PPP2R5E: variants seen among roughly 807,000 people sequenced by gnomAD.
PPP2R5E encodes serine/threonine-protein phosphatase 2A 56 kDa regulatory subunit epsilon isoform.
Under a neutral mutation model 65.3 loss-of-function variants are expected in PPP2R5E, and 4 were observed. The observed-to-expected ratio is 0.06, with a 90% CI of 0.03 to 0.14. PPP2R5E has a LOEUF of 0.14. Ranked by LOEUF, PPP2R5E falls within the 10% of genes least tolerant of loss-of-function variation. The probability of loss-of-function intolerance (pLI) is 1.00; values close to 1 mark genes in which losing one functional copy is unlikely to be tolerated. For missense variants in PPP2R5E, 274 were observed against 556.1 expected (o/e 0.49, Z 5.10); for synonymous variants, 183 against 187.4 (o/e 0.98, Z 0.19).
At chr14:63,442,021 T>C (rs1461548469) in intron 3 of PPP2R5E, among the ~76,000 whole-genome samples, 1 of 152,112 alleles carries the variant, frequency 6.6e-6, no homozygotes, top group Non-Finnish European at 1.5e-5. Flanking sequence ...AAATCAATAC[T>C]GTTAAATGAG....
intron 3 of PPP2R5E, among the ~76,000 whole-genome samples, chr14:63,440,143 G>C (rs1312893892): frequency 6.6e-6 from 1 of 152,196 alleles, no homozygotes; most frequent in Non-Finnish European, 1.5e-5. Context: ...GGCAGAGAGA[G>C]AAGTGGAGTG....
chr14:63,395,726 G>A, intron 6 of PPP2R5E, among the ~76,000 whole-genome samples: 1 of 6,642 alleles, frequency 1.5e-4, no homozygotes, highest in Non-Finnish European at 3.5e-4. Flanking sequence ...AGGGTGGAAG[G>A]GAGGAGGAGC....
At chr14:63,383,380 A>AT (rs1405947285) in intron 12 of PPP2R5E, among the ~76,000 whole-genome samples, 1 of 152,220 alleles carries the variant, frequency 6.6e-6, no homozygotes, top group East Asian at 1.9e-4. Flanking sequence ...GCCTTGTGCC[A>AT]TTAAAAGGAA....
At chr14:63,420,062 T>C (rs1886917847) in intron 4 of PPP2R5E, among the ~76,000 whole-genome samples, 1 of 152,186 alleles carries the variant, frequency 6.6e-6, no homozygotes. Flanking sequence ...TAAAAGTTTA[T>C]TGTACTTTAG....
intron 2 of PPP2R5E, among the ~76,000 whole-genome samples, chr14:63,454,380 G>A (rs1889009998): frequency 1.3e-5 from 2 of 151,694 alleles, no homozygotes; most frequent in South Asian, 4.2e-4. Flanking sequence ...GTTTTGTTTT[G>A]GCTTGATCTG....
chr14:63,466,776 T>C (rs1392413348), intron 2 of PPP2R5E, among the ~76,000 whole-genome samples: 1 of 152,032 alleles, frequency 6.6e-6, no homozygotes, highest in East Asian at 1.9e-4. Flanking sequence ...TGTATACATA[T>C]GTGTATACAT....
At chr14:63,462,560 G>A (rs753214918) in intron 2 of PPP2R5E, among the ~76,000 whole-genome samples, 13 of 151,994 alleles carry the variant, frequency 8.6e-5, no homozygotes, top group Non-Finnish European at 1.8e-4. Context: ...TGCCTTGCAC[G>A]TTTTAATAAA....
At chr14:63,406,031 A>G (rs1341764103) in intron 5 of PPP2R5E, among the ~76,000 whole-genome samples, 1 of 152,236 alleles carries the variant, frequency 6.6e-6, no homozygotes, top group African/African-American at 2.4e-5. Flanking sequence ...AATCACACTG[A>G]AATTCAAGTG....
intron 2 of PPP2R5E, among the ~76,000 whole-genome samples, chr14:63,483,466 T>C (rs1055890495): frequency 1.6e-4 from 24 of 151,832 alleles, no homozygotes; most frequent in African/African-American, 5.8e-4. Flanking sequence ...GAAGAAGGGC[T>C]CTCCCAGCCA....
At chr14:63,379,826 C>CTCT (rs528081976) in intron 13 of PPP2R5E, among the ~76,000 whole-genome samples, 1,633 of 100,430 alleles carry the variant, frequency 0.016, 192 homozygotes, top group African/African-American at 0.066. Context: ...TATTCTCTCT[C>CTCT]TTTTTTTTTT....
At chr14:63,424,665 G>A (rs1887232083) in intron 3 of PPP2R5E, among the ~76,000 whole-genome samples, 1 of 151,632 alleles carries the variant, frequency 6.6e-6, no homozygotes, top group Non-Finnish European at 1.5e-5. Context: ...GCAGGAGAAT[G>A]GCGTGAACCC....
chr14:63,391,669 C>G, intron 10 of PPP2R5E, 148 bp downstream of exon 10: 1 of 757,050 alleles, frequency 1.3e-6, no homozygotes. Context: ...GTGATCTGCC[C>G]GCCTCGGCCT....
At chr14:63,409,042 A>G (rs1453138761) in intron 5 of PPP2R5E, among the ~76,000 whole-genome samples, 2 of 152,070 alleles carry the variant, frequency 1.3e-5, no homozygotes, top group African/African-American at 4.8e-5. Flanking sequence ...GACCAGCCTG[A>G]CCAACATGGA....
intron 2 of PPP2R5E, among the ~76,000 whole-genome samples, chr14:63,535,025 A>G (rs914644640): frequency 6.6e-6 from 1 of 152,238 alleles, no homozygotes; most frequent in African/African-American, 2.4e-5. Context: ...TTCCTAACAC[A>G]CAGATACGGA....
chr14:63,420,966 T>G (rs12880604), intron 4 of PPP2R5E, among the ~76,000 whole-genome samples: 1,722 of 110,784 alleles, frequency 0.016, 157 homozygotes, highest in Non-Finnish European at 0.021. Flanking sequence ...GGCAGGAGAA[T>G]GGCGTGAACC....
At chr14:63,468,190 G>A (rs1256482178) in intron 2 of PPP2R5E, among the ~76,000 whole-genome samples, 2 of 152,168 alleles carry the variant, frequency 1.3e-5, no homozygotes, top group Non-Finnish European at 2.9e-5. Flanking sequence ...TAGCACGAGC[G>A]TTTAAGACAC....
chr14:63,466,637 A>T (rs1226581890), intron 2 of PPP2R5E, among the ~76,000 whole-genome samples: 1 of 152,234 alleles, frequency 6.6e-6, no homozygotes, highest in African/African-American at 2.4e-5. Context: ...TCAAATCTGA[A>T]ATACCATGCC....
chr14:63,377,178 A>T (rs111234724), intron 13 of PPP2R5E, among the ~76,000 whole-genome samples: 102 of 152,070 alleles, frequency 6.7e-4, no homozygotes, highest in Middle Eastern at 3.4e-3. Flanking sequence ...AAAAATGCTG[A>T]TCCAGATTAA....
chr14:63,457,084 A>G (rs1331951865), intron 2 of PPP2R5E, among the ~76,000 whole-genome samples: 2 of 152,194 alleles, frequency 1.3e-5, no homozygotes, highest in Non-Finnish European at 2.9e-5. Flanking sequence ...CAGTCCAAAC[A>G]AGAGGTTCTT....
Sources: allele counts gnomAD v4.1 joint callset (sites outside exome capture counted in the v4.1 genomes callset), GRCh38; gene constraint gnomAD v4.1.1; transcripts MANE v1.5; gene names NCBI Gene and HGNC (gene_info 2026-07-23, HGNC 2026-07-21).